The following ATP1A4 variants were observed in gnomAD, a reference collection of about 807,000 sequenced individuals.
ATP1A4 encodes the protein sodium/potassium-transporting ATPase subunit alpha-4.
A neutral mutation model predicts 114.3 loss-of-function variants in ATP1A4; 90 were observed. The observed-to-expected ratio is 0.79, with a 90% CI of 0.66 to 0.94. ATP1A4 has a LOEUF of 0.94. Ranked by LOEUF, ATP1A4 falls within the 40% of genes least tolerant of loss-of-function variation. ATP1A4 has a pLI of 0.00. For synonymous variants in ATP1A4, 511 were observed against 494.1 expected (o/e 1.03, Z -0.45); for missense variants, 1,222 against 1,313.6 (o/e 0.93, Z 1.08).
intron 5 of ATP1A4, 44 bp downstream of exon 5, chr1:160,159,180 T>C: frequency 1.9e-6 from 3 of 1,597,622 alleles, no homozygotes; most frequent in Non-Finnish European, 2.6e-6. Flanking sequence ...AAGCGTGATC[T>C]CATGGCAGGG....
Position 160,186,676 on chromosome 1 carries a change from GTGGA to G in ATP1A4, c.3068_3071del (p.Val1023GlufsTer11), listed in dbSNP as rs754461897. On this transcript the variant is annotated frameshift_variant, in exon 22 of 22. Coordinates refer to ENST00000368081, the MANE Select transcript of ATP1A4 (RefSeq NM_144699.4). LOFTEE classifies it high-confidence loss of function. ...TGGCCTCTTCTCTTCCACAGGCTGG[GTGGA>G]AAGGGAGACGTACTACTAAACTCAG... is the stretch of plus-strand genomic sequence containing the variant. 356 of 1,610,850 alleles carry G rather than the reference GTGGA, an allele frequency of 2.2e-4. No homozygotes were observed. Among genetic ancestry groups the G allele is most frequent in the Non-Finnish European group, 2.9e-4 (344 of 1,178,568 alleles).
intron 13 of ATP1A4, 73 bp from the exon 14 acceptor site, chr1:160,174,038 T>G: frequency 6.5e-7 from 1 of 1,546,640 alleles, no homozygotes; most frequent in Non-Finnish European, 8.8e-7. Context: ...GAAGCTATAG[T>G]CAAGATGGGC....
Position 160,177,634 on chromosome 1 carries a change from T to C in ATP1A4, c.2706T>C (p.Asn902=), listed in dbSNP as rs775333227. ...IRLHWEDKYL[N]DLEDSYGQQW... is the part of the protein sequence containing the mutation. ...TCCACTGGGAAGATAAATACTTGAA[T>C]GACCTGGAGGACAGCTACGGACAGC... Residue 902 remains asparagine, a synonymous_variant, in exon 18 of 22, where the codon AAT becomes AAC. Coordinates refer to ENST00000368081, the MANE Select transcript of ATP1A4 (RefSeq NM_144699.4). 1.1e-5 allele frequency: 17 copies of C among 1,614,190 alleles called. No individual in the cohort carries two copies. In the South Asian group the frequency reaches 1.5e-4, roughly 15 times the overall value.
chr1:160,159,391 T>C lies in ATP1A4; in HGVS notation c.661-18T>C. The C allele has an allele frequency of 2.5e-6, 4 of 1,595,244 alleles. No homozygotes were observed. The highest frequency in any genetic ancestry group is 3.4e-6 in the Non-Finnish European group (4 of 1,170,764). On this transcript the variant is annotated intron_variant, in intron 5 of 21. Coordinates refer to ENST00000368081, the MANE Select transcript of ATP1A4 (RefSeq NM_144699.4). Reference sequence around the variant, plus strand: ...TTTCCTATGCTCACCTTACAACGCGTCCCCTCTCCCATCCCAGGTGGACAA... The same window carrying C: ...TTTCCTATGCTCACCTTACAACGCGCCCCCTCTCCCATCCCAGGTGGACAA...
chr1:160,184,818 C>T (rs1021658632), intron 20 of ATP1A4, among the ~76,000 whole-genome samples: 16 of 152,222 alleles, frequency 1.1e-4, no homozygotes, highest in African/African-American at 3.6e-4. Flanking sequence ...CAACCCCTCC[C>T]CAGAATCCAT....
At position 160,176,582 on chromosome 1, in the gene ATP1A4, G is replaced by T. The variant is rs1170948792; in HGVS notation, c.2570G>T (p.Gly857Val). 1 of 1,614,016 alleles carries T rather than the reference G, an allele frequency of 6.2e-7. No homozygotes were observed. The highest frequency in any genetic ancestry group is 8.5e-7 in the Non-Finnish European group (1 of 1,180,040). ...AATCTGGTGAACCACCGTCTCATTG[G>T]CATGGCCTATGGACAGATTGGTGCG... ...TDNLVNHRLI[G>V]MAYGQIGMIQ... Residue 857 changes from glycine (G) to valine (V), a missense_variant, in exon 17 of 22, where the codon GGC becomes GTC. Transcript: ENST00000368081.
At chr1:160,164,525 G>A in intron 7 of ATP1A4, 101 bp downstream of exon 7, 1 of 1,255,058 alleles carries the variant, frequency 8.0e-7, no homozygotes, top group Non-Finnish European at 1.1e-6. Context: ...CAAGTGCAGG[G>A]TCTTCCTGAT....
intron 4 of ATP1A4, among the ~76,000 whole-genome samples, chr1:160,158,561 G>A (rs910440587): frequency 1.3e-5 from 2 of 151,440 alleles, no homozygotes; most frequent in African/African-American, 4.9e-5. Context: ...TTCAATTTTT[G>A]TAGAGACAGG....
chr1:160,163,324 G>A (rs1284744194), intron 6 of ATP1A4, among the ~76,000 whole-genome samples: 1 of 152,164 alleles, frequency 6.6e-6, no homozygotes. Flanking sequence ...CCTGGAGATA[G>A]CATCAGATCC....
In ATP1A4 at chr1:160,159,155, C is replaced by T; in HGVS notation, c.660+19C>T. On this transcript the variant is annotated intron_variant, in intron 5 of 21. Coordinates refer to ENST00000368081, the MANE Select transcript of ATP1A4 (RefSeq NM_144699.4). ...ATGTAAGGTGAGGGGATGCCGAAAG[C>T]TATGTGAGGGACCCAAGCGTGATCT... 1 of 1,611,450 alleles carries T rather than the reference C, an allele frequency of 6.2e-7. No individual in the cohort carries two copies. Among genetic ancestry groups the T allele is most frequent in the Non-Finnish European group, 8.5e-7 (1 of 1,178,488 alleles).
In ATP1A4 at chr1:160,155,149, G is replaced by A; in HGVS notation, c.312G>A (p.Leu104=). ...AATGGGTCAAATTCTGTAAGCAACTGTTCGGAGGCTTCTCCCTCCTACTAT... is the reference window on the plus strand; with the variant it reads ...AATGGGTCAAATTCTGTAAGCAACTATTCGGAGGCTTCTCCCTCCTACTAT... ...TPEWVKFCKQ[L]FGGFSLLLWT... The change falls in exon 3 of 22, where the codon CTG becomes CTA. Residue 104 remains leucine (L), a synonymous_variant. Coordinates refer to ENST00000368081, the MANE Select transcript of ATP1A4 (RefSeq NM_144699.4). The A allele has an allele frequency of 6.2e-7, 1 of 1,611,938 alleles. No individual in the cohort carries two copies. The highest frequency in any genetic ancestry group is 8.5e-7 in the Non-Finnish European group (1 of 1,179,248).
Position 160,173,741 on chromosome 1 carries a change from A to T in ATP1A4, c.1991+24A>T, listed in dbSNP as rs1372602671. ...AGGTGAGATCACTAAAGAACTCAAG[A>T]TCTGCCATGTTCCCTCCATCCCCAG... On this transcript the variant is annotated intron_variant, in intron 13 of 21. Coordinates refer to ENST00000368081, the MANE Select transcript of ATP1A4 (RefSeq NM_144699.4). The T allele has an allele frequency of 1.9e-6, 3 of 1,611,030 alleles. No individual in the cohort carries two copies. In the South Asian group the frequency reaches 3.3e-5, roughly 18 times the overall value.
chr1:160,174,279 G>A lies in ATP1A4; in HGVS notation c.2142+18G>A. 1 of 1,613,964 alleles carries A rather than the reference G, an allele frequency of 6.2e-7. No individual in the cohort carries two copies. The highest frequency in any genetic ancestry group is 8.5e-7 in the Non-Finnish European group (1 of 1,179,990). Reference sequence around the variant, plus strand: ...AGAGGCTGGTAAGGAACGAAAAGGAGCCCCAAGGAAACTGGCAGAACTCCT... The same window carrying A: ...AGAGGCTGGTAAGGAACGAAAAGGAACCCCAAGGAAACTGGCAGAACTCCT... On this transcript the variant is annotated intron_variant, in intron 14 of 21. Coordinates refer to ENST00000368081, the MANE Select transcript of ATP1A4 (RefSeq NM_144699.4).
rs138454276 is a variant in ATP1A4, at chr1:160,171,403, C to T, written c.1644C>T (p.Ala548=). The T allele has an allele frequency of 7.4e-6, 12 of 1,614,132 alleles. No individual in the cohort carries two copies. The highest frequency in any genetic ancestry group is 1.6e-4 in the Middle Eastern group (1 of 6,062). Residue 548 remains alanine (A), a synonymous_variant, in exon 11 of 22, where the codon GCC becomes GCT. Coordinates refer to ENST00000368081, the MANE Select transcript of ATP1A4 (RefSeq NM_144699.4). ...AAATGAAGGAAGCCTTCCAAAATGC[C>T]TACTTAGAACTGGGAGGTCTGGGGG... The part of the protein sequence containing the change: ...NDEMKEAFQN[A]YLELGGLGER...
At chr1:160,154,509 G>A (rs1231602062) in intron 2 of ATP1A4, among the ~76,000 whole-genome samples, 1 of 152,088 alleles carries the variant, frequency 6.6e-6, no homozygotes, top group Non-Finnish European at 1.5e-5. Flanking sequence ...TTCTTTGCAT[G>A]GGAACATTCC....
rs1351430371 is a variant in ATP1A4 at position 160,159,066 on chromosome 1, A to G, written c.590A>G (p.Asp197Gly). 1.2e-6 allele frequency: 2 copies of G among 1,613,916 alleles called. No individual in the cohort carries two copies. Among genetic ancestry groups the G allele is most frequent in the Non-Finnish European group, 1.7e-6 (2 of 1,180,002 alleles). ...AATGTACAAGAGGTGGTGTTGGGAG[A>G]CCTGGTGGAAATCAAGGGTGGAGAC... is the stretch of plus-strand genomic sequence containing the variant. ...QINVQEVVLGDLVEIKGGDRV... is the reference protein window; with the variant it reads ...QINVQEVVLGGLVEIKGGDRV... The change falls in exon 5 of 22, where the codon GAC becomes GGC. Residue 197 changes from aspartate to glycine, a missense_variant. Transcript: ENST00000368081.
chr1:160,186,519 C>T, intron 21 of ATP1A4, 152 bp downstream of exon 21: 2 of 1,068,168 alleles, frequency 1.9e-6, no homozygotes, highest in Non-Finnish European at 2.8e-6. Context: ...CTCTCTACCC[C>T]TTGGCTGCAC....
At chr1:160,178,704 C>T (rs1306693595) in intron 18 of ATP1A4, among the ~76,000 whole-genome samples, 1 of 152,130 alleles carries the variant, frequency 6.6e-6, no homozygotes, top group Non-Finnish European at 1.5e-5. Context: ...CCCTGAAAAC[C>T]TATTTTCTTT....
rs1652791371 is a variant in ATP1A4 at position 160,159,429 on chromosome 1, T to C, written c.681T>C (p.Thr227=). The change falls in exon 6 of 22, where the codon ACT becomes ACC. Residue 227 remains threonine (T), a synonymous_variant. Coordinates refer to ENST00000368081, the MANE Select transcript of ATP1A4 (RefSeq NM_144699.4). ...QGCKVDNSSL[T]GESEPQSRSP... is the part of the protein sequence containing the mutation. ...CCCAGGTGGACAACTCATCCTTGACTGGGGAGTCAGAACCCCAGAGCCGCT... is the reference window on the plus strand; with the variant it reads ...CCCAGGTGGACAACTCATCCTTGACCGGGGAGTCAGAACCCCAGAGCCGCT... 2 of 1,613,472 alleles carry C rather than the reference T, an allele frequency of 1.2e-6. No homozygotes were observed. Among genetic ancestry groups the C allele is most frequent in the Non-Finnish European group, 1.7e-6 (2 of 1,179,854 alleles).
Sources: gnomAD v4.1 joint callset for allele counts (sites outside exome capture counted in the v4.1 genomes callset) on GRCh38, gnomAD v4.1.1 for gene constraint, MANE v1.5 for transcripts, NCBI Gene and HGNC (gene_info 2026-07-23, HGNC 2026-07-21) for gene names.